Variants in C21orf91 observed in about 807,000 individuals in gnomAD.
C21orf91 encodes the protein protein EURL homolog.
C21orf91 carries 26 observed loss-of-function variants against 32.9 expected under a neutral mutation model. The observed-to-expected ratio is 0.79, with a 90% CI of 0.58 to 1.10. C21orf91 has a LOEUF of 1.10. C21orf91 is among the 50% of genes least tolerant of loss of function. The pLI, the probability that C21orf91 is intolerant of heterozygous loss-of-function variation, is 0.00. For synonymous variants in C21orf91, 126 were observed against 120.4 expected (o/e 1.05, Z -0.31); for missense variants, 310 against 341.3 (o/e 0.91, Z 0.72).
intron 2 of C21orf91, chr21:17,810,864 T>C (rs1239896198): frequency 3.9e-5 from 6 of 152,228 alleles, no homozygotes; most frequent in African/African-American, 4.8e-5. Context: ...TGGCATATTA[T>C]TGTTTGTTTA....
chr21:17,806,896 A>G (rs543666217), intron 2 of C21orf91, among the ~76,000 whole-genome samples: 1 of 152,232 alleles, frequency 6.6e-6, no homozygotes, highest in South Asian at 2.1e-4. Flanking sequence ...AGTGGGAGGT[A>G]GAAAAGACAG....
chr21:17,811,762 A>C (rs1447322244), intron 2 of C21orf91, among the ~76,000 whole-genome samples: 1 of 152,164 alleles, frequency 6.6e-6, no homozygotes, highest in African/African-American at 2.4e-5. Flanking sequence ...TCTGAAACAG[A>C]AAGTCATTTC....
Position 17,815,276 on chromosome 21 carries a change from G to A in C21orf91, c.127+2916C>T, listed in dbSNP as rs145332590. On this transcript the variant is annotated intron_variant, in intron 2 of 4. Coordinates refer to ENST00000284881, the MANE Select transcript of C21orf91 (RefSeq NM_001100420.2). ...TAGCTTAACTGTTATTATTCCTCAA[G>A]AGAATTTATTTTTACTCAGCCTCTT... Among the ~76,000 whole-genome samples the A allele has an allele frequency of 3.5e-3, 537 of 152,238 alleles. 3 individuals carry two copies. Among genetic ancestry groups the A allele is most frequent in the African/African-American group, 0.012 (510 of 41,550 alleles).
chr21:17,803,207 A>C (rs1335148289), intron 2 of C21orf91, among the ~76,000 whole-genome samples: 1 of 152,256 alleles, frequency 6.6e-6, no homozygotes, highest in Non-Finnish European at 1.5e-5. Flanking sequence ...TTTGTGCAAC[A>C]ATACATGCAG....
chr21:17,808,430 C>T (rs1239108913), intron 2 of C21orf91, among the ~76,000 whole-genome samples: 1 of 152,220 alleles, frequency 6.6e-6, no homozygotes, highest in Non-Finnish European at 1.5e-5. Flanking sequence ...TCTACTAAGG[C>T]AGTGCAGATG....
At chr21:17,811,468 C>T (rs2062632033) in intron 2 of C21orf91, 1 of 152,144 alleles carries the variant, frequency 6.6e-6, no homozygotes, top group Admixed American at 6.5e-5. Context: ...TCTTTGTCTT[C>T]TTTCTTCACA....
At chr21:17,796,327 T>G (rs1043478787) in intron 3 of C21orf91, among the ~76,000 whole-genome samples, 3 of 152,248 alleles carry the variant, frequency 2.0e-5, no homozygotes, top group African/African-American at 7.2e-5. Flanking sequence ...ATTCACAGTT[T>G]GTTGATTCCA....
chr21:17,813,597 G>A (rs1261801784), intron 2 of C21orf91, among the ~76,000 whole-genome samples: 1 of 152,168 alleles, frequency 6.6e-6, no homozygotes. Context: ...AACTTACACT[G>A]AAAACTTTGT....
chr21:17,818,085 T>C (rs755729282), intron 2 of C21orf91, 107 bp downstream of exon 2: 4 of 763,558 alleles, frequency 5.2e-6, no homozygotes, highest in Non-Finnish European at 6.4e-6. Flanking sequence ...TATTCATACT[T>C]AGCACAATTT....
At position 17,789,178 on chromosome 21, in the gene C21orf91, T is replaced by C. The variant is rs535955449; in HGVS notation, c.*4237A>G. ...TTTTTCCAAAAGTCTTAACACAATT[T>C]TGTAAAGTAAATTTCTAACACCAGA... On this transcript the variant is annotated 3_prime_UTR_variant, in exon 5 of 5. Coordinates refer to ENST00000284881, the MANE Select transcript of C21orf91 (RefSeq NM_001100420.2). The C allele has an allele frequency of 6.6e-6, 1 of 152,006 alleles. No homozygotes were observed. Among genetic ancestry groups the C allele is most frequent in the Non-Finnish European group, 1.5e-5 (1 of 67,996 alleles). 9.4% of individuals were successfully genotyped at this position (152,006 alleles called of 1,614,324 possible). A position where few individuals can be genotyped will look rare whatever the true frequency, so the allele number is the denominator to read the frequency against.
At chr21:17,813,197 G>T (rs958774527) in intron 2 of C21orf91, among the ~76,000 whole-genome samples, 1 of 152,204 alleles carries the variant, frequency 6.6e-6, no homozygotes, top group Non-Finnish European at 1.5e-5. Context: ...ATCACAAGTG[G>T]TGGGGCCCCT....
At chr21:17,817,959 T>G (rs2062675676) in intron 2 of C21orf91, 1 of 338,544 alleles carries the variant, frequency 3.0e-6, no homozygotes, top group African/African-American at 2.1e-5. Flanking sequence ...ATTTCTGTAT[T>G]AGGAAAAATG....
At chr21:17,807,632 G>C (rs1342667005) in intron 2 of C21orf91, among the ~76,000 whole-genome samples, 2 of 152,244 alleles carry the variant, frequency 1.3e-5, no homozygotes, top group African/African-American at 4.8e-5. Context: ...CTAAAATGCT[G>C]ACAGTGATAT....
chr21:17,789,837 T>A lies in C21orf91; in HGVS notation c.*3578A>T, dbSNP rs1330765386. The A allele has an allele frequency of 6.6e-6, 1 of 152,142 alleles. No individual in the cohort carries two copies. The highest frequency in any genetic ancestry group is 2.4e-5 in the African/African-American group (1 of 41,456). The allele number at this position is 152,142 out of a possible 1,614,324, so 9.4% of individuals were successfully genotyped here. ...TGCCCCATGACCACAAAACTTTACTTGGTAAGAATAAACTGTTGGGGGTTT... is the reference window on the plus strand; with the variant it reads ...TGCCCCATGACCACAAAACTTTACTAGGTAAGAATAAACTGTTGGGGGTTT... On this transcript the variant is annotated 3_prime_UTR_variant, in exon 5 of 5. Coordinates refer to ENST00000284881, the MANE Select transcript of C21orf91 (RefSeq NM_001100420.2).
intron 2 of C21orf91, chr21:17,817,668 T>A (rs550395169): frequency 1.3e-5 from 2 of 152,238 alleles, no homozygotes; most frequent in Non-Finnish European, 2.9e-5. Context: ...ATTAAAAAAA[T>A]TTTAAAAACC....
At chr21:17,798,833 A>G (rs2062539524) in intron 2 of C21orf91, among the ~76,000 whole-genome samples, 1 of 152,230 alleles carries the variant, frequency 6.6e-6, no homozygotes, top group South Asian at 2.1e-4. Flanking sequence ...ATCACAAGTT[A>G]TACACCAAAG....
chr21:17,796,777 A>C lies in C21orf91; in HGVS notation c.469T>G (p.Cys157Gly). Residue 157 changes from cysteine to glycine, a missense_variant, in exon 3 of 5, where the codon TGT becomes GGT. Coordinates refer to ENST00000284881, the MANE Select transcript of C21orf91 (RefSeq NM_001100420.2). ...IDGSAGGISN[C>G]TQRILEQREN... ...CTCTGCTCCAAAATTCTTTGTGTAC[A>C]GTTAGAGATGCCACCTGCACTTCCA... The C allele has an allele frequency of 6.2e-7, 1 of 1,614,046 alleles. No individual in the cohort carries two copies. The highest frequency in any genetic ancestry group is 1.1e-5 in the South Asian group (1 of 91,082).
chr21:17,807,830 A>C (rs1450898768), intron 2 of C21orf91, among the ~76,000 whole-genome samples: 2 of 152,226 alleles, frequency 1.3e-5, no homozygotes, highest in Non-Finnish European at 2.9e-5. Context: ...ATTTCTAAGC[A>C]GTAAAGTGTT....
chr21:17,812,951 A>C (rs1305139228), intron 2 of C21orf91, among the ~76,000 whole-genome samples: 7 of 152,230 alleles, frequency 4.6e-5, no homozygotes, highest in Non-Finnish European at 5.9e-5. Context: ...CAACCGCCAG[A>C]ACTAAGAAAT....
Sources: gnomAD v4.1 joint callset for allele counts (sites outside exome capture counted in the v4.1 genomes callset) on GRCh38, gnomAD v4.1.1 for gene constraint, MANE v1.5 for transcripts, NCBI Gene and HGNC (gene_info 2026-07-23, HGNC 2026-07-21) for gene names.